FMN1: variants seen among roughly 807,000 people sequenced by gnomAD.
The protein encoded by FMN1 is formin-1.
In FMN1, 110 loss-of-function variants were observed where a neutral mutation model predicts 132.4. The observed-to-expected ratio is 0.83, with a 90% CI of 0.71 to 0.97. The LOEUF is 0.97. Ranked by LOEUF, FMN1 falls within the 50% of genes least tolerant of loss-of-function variation. FMN1 has a pLI of 0.00. For missense variants in FMN1, 1,792 were observed against 1,705.3 expected, an observed-to-expected ratio of 1.05 and a Z score of -0.90; for synonymous variants, 722 against 651.7, an observed-to-expected ratio of 1.11 and a Z score of -1.64.
chr15:33,181,313 T>C (rs538050626), intron 2 of FMN1, among the ~76,000 whole-genome samples: 16 of 152,344 alleles, frequency 1.1e-4, no homozygotes, highest in South Asian at 4.1e-4. Flanking sequence ...ACTGTTTTCA[T>C]ATAGTAGCTC....
chr15:32,978,315 A>G (rs2032377088), intron 7 of FMN1, among the ~76,000 whole-genome samples: 1 of 152,220 alleles, frequency 6.6e-6, no homozygotes, highest in Non-Finnish European at 1.5e-5. Context: ...ACAAAACAAA[A>G]TTGTAGCCAG....
At chr15:32,867,131 T>C (rs775454166) in intron 16 of FMN1, among the ~76,000 whole-genome samples, 3 of 152,230 alleles carry the variant, frequency 2.0e-5, no homozygotes, top group Non-Finnish European at 4.4e-5. Context: ...CAGGCTGCTA[T>C]AGTCTCAGCC....
chr15:33,065,855 C>T (rs955326735), intron 5 of FMN1, among the ~76,000 whole-genome samples: 27 of 152,140 alleles, frequency 1.8e-4, no homozygotes, highest in African/African-American at 6.5e-4. Context: ...GTAATAACAG[C>T]ATCTATTAAT....
intron 4 of FMN1, among the ~76,000 whole-genome samples, chr15:33,119,494 T>C (rs753746606): frequency 1.3e-4 from 20 of 152,190 alleles, no homozygotes; most frequent in Non-Finnish European, 2.4e-4. Context: ...CTGCCAAGCA[T>C]TAATGAGTCC....
chr15:33,017,480 T>C (rs114914526), intron 6 of FMN1, among the ~76,000 whole-genome samples: 1 of 151,644 alleles, frequency 6.6e-6, no homozygotes, highest in African/African-American at 2.4e-5. Context: ...AATAGTTGAT[T>C]TTTTTTTTCA....
intron 16 of FMN1, among the ~76,000 whole-genome samples, chr15:32,864,041 A>G (rs557314942): frequency 2.6e-5 from 4 of 152,144 alleles, no homozygotes; most frequent in Admixed American, 6.5e-5. Flanking sequence ...AAAATATTAG[A>G]TATTTTTTCA....
intron 16 of FMN1, among the ~76,000 whole-genome samples, chr15:32,876,561 CTA>C (rs2059641739): frequency 2.0e-5 from 3 of 152,128 alleles, no homozygotes; most frequent in African/African-American, 7.2e-5. Flanking sequence ...CTGAGAAGAG[CTA>C]TATGAGAACT....
chr15:32,831,390 T>C (rs746051205), intron 17 of FMN1, among the ~76,000 whole-genome samples: 11 of 152,012 alleles, frequency 7.2e-5, no homozygotes, highest in Admixed American at 1.3e-4. Context: ...GCTAATAATA[T>C]AACGCACATA....
At chr15:32,992,418 T>C (rs1478925473) in intron 7 of FMN1, among the ~76,000 whole-genome samples, 1 of 152,196 alleles carries the variant, frequency 6.6e-6, no homozygotes, top group African/African-American at 2.4e-5. Flanking sequence ...AGTATAAGTA[T>C]GAAGTAGAAA....
At chr15:33,184,492 T>G (rs1041277637) in intron 2 of FMN1, among the ~76,000 whole-genome samples, 1 of 142,322 alleles carries the variant, frequency 7.0e-6, no homozygotes, top group Non-Finnish European at 1.5e-5. Context: ...AATTTAGATC[T>G]TTTTTTTTTC....
rs1388382618 is a variant in FMN1, at chr15:32,926,245, T to C, written c.3155A>G (p.Asp1052Gly). ...TCCCACAGTTTGAGATCGTTTTCCATCCAACAATTTGATGATCTAAAATTA... is the reference window on the plus strand; with the variant it reads ...TCCCACAGTTTGAGATCGTTTTCCACCCAACAATTTGATGATCTAAAATTA... The part of the protein sequence containing the change: ...NKVKKIIKLL[D>G]GKRSQTVGIL... Residue 1052 changes from aspartate (D) to glycine (G), a missense_variant, in exon 10 of 21, where the codon GAT (aspartate) becomes GGT (glycine). This residue lies in a region of FMN1 where 1,150 missense variants were observed against 1,043.1 expected (regional missense o/e 1.10). Transcript: ENST00000616417. The C allele has an allele frequency of 6.6e-7, 1 of 1,524,848 alleles. No individual in the cohort carries two copies. The highest frequency in any genetic ancestry group is 2.1e-5 in the Admixed American group (1 of 46,700). 94.5% of individuals were successfully genotyped at this position (1,524,848 alleles called of 1,614,324 possible).
At chr15:32,780,300 A>G (rs929134379) in intron 19 of FMN1, among the ~76,000 whole-genome samples, 1 of 152,204 alleles carries the variant, frequency 6.6e-6, no homozygotes, top group Non-Finnish European at 1.5e-5. Context: ...GACCTTGCTG[A>G]TAAAATAGGT....
intron 19 of FMN1, among the ~76,000 whole-genome samples, chr15:32,787,847 TAAA>T (rs533968033): frequency 6.8e-6 from 1 of 148,104 alleles, no homozygotes; most frequent in African/African-American, 2.5e-5. Flanking sequence ...CCTTGTCTCT[TAAA>T]AAAAAAAAGT....
intron 4 of FMN1, chr15:33,151,397 G>A (rs765634596): frequency 7.6e-5 from 117 of 1,535,494 alleles, no homozygotes; most frequent in Non-Finnish European, 9.8e-5. Context: ...CAAAGTAAAG[G>A]GAATGTTGAG....
intron 7 of FMN1, among the ~76,000 whole-genome samples, chr15:33,001,570 C>T (rs2034111471): frequency 8.2e-6 from 1 of 121,270 alleles, no homozygotes; most frequent in Non-Finnish European, 1.7e-5. Flanking sequence ...CCCACTTCCC[C>T]CCCCACCTCC....
At chr15:33,091,856 T>G (rs1352720365) in intron 4 of FMN1, among the ~76,000 whole-genome samples, 1 of 152,188 alleles carries the variant, frequency 6.6e-6, no homozygotes, top group Non-Finnish European at 1.5e-5. Flanking sequence ...GTCAAAACAG[T>G]CAACTGTCAT....
intron 17 of FMN1, among the ~76,000 whole-genome samples, chr15:32,851,529 A>AT (rs1455717489): frequency 6.6e-6 from 1 of 152,238 alleles, no homozygotes; most frequent in Non-Finnish European, 1.5e-5. Context: ...GAACTGAGCT[A>AT]TAAACCAGCT....
chr15:32,843,887 C>T (rs1044507923), intron 17 of FMN1, among the ~76,000 whole-genome samples: 4 of 152,164 alleles, frequency 2.6e-5, no homozygotes, highest in Admixed American at 6.5e-5. Flanking sequence ...TAACTAACAT[C>T]GCATATTTCC....
intron 10 of FMN1, among the ~76,000 whole-genome samples, chr15:32,915,762 T>C (rs2060669368): frequency 6.6e-6 from 1 of 152,262 alleles, no homozygotes; most frequent in Non-Finnish European, 1.5e-5. Flanking sequence ...AGCTCATTGC[T>C]ACTGCAATAT....
Sources: allele counts gnomAD v4.1 joint callset (sites outside exome capture counted in the v4.1 genomes callset), GRCh38; gene constraint gnomAD v4.1.1; regional missense constraint gnomAD v4.1.1; transcripts MANE v1.5; gene names NCBI Gene and HGNC (gene_info 2026-07-23, HGNC 2026-07-21).